The following OR2C1 variants were observed in gnomAD, a reference collection of about 807,000 sequenced individuals.
OR2C1 encodes olfactory receptor 2C1.
For synonymous variants in OR2C1, 209 were observed against 167.3 expected, an observed-to-expected ratio of 1.25 and a Z score of -1.92; for missense variants, 468 against 388.3, an observed-to-expected ratio of 1.21 and a Z score of -1.73.
At chr16:3,327,905 A>T in the OR2C1 span, among the ~76,000 whole-genome samples, 2 of 152,114 alleles carry the variant, frequency 1.3e-5, no homozygotes, top group African/African-American at 4.8e-5. Flanking sequence ...AAATTTCATT[A>T]TAGTTCACCT....
the OR2C1 span, among the ~76,000 whole-genome samples, chr16:3,336,684 T>TTC: frequency 2.1e-5 from 3 of 142,802 alleles, no homozygotes; most frequent in African/African-American, 7.7e-5. Flanking sequence ...CTTTTTTTTT[T>TTC]TTTCTATTTT....
the OR2C1 span, among the ~76,000 whole-genome samples, chr16:3,330,687 A>C: frequency 2.6e-5 from 4 of 152,196 alleles, no homozygotes; most frequent in African/African-American, 9.6e-5. Context: ...TATCTGTCAC[A>C]TTAAATATTT....
chr16:3,342,904 A>G, the OR2C1 span, among the ~76,000 whole-genome samples: 1 of 152,120 alleles, frequency 6.6e-6, no homozygotes, highest in Non-Finnish European at 1.5e-5. Context: ...AACATGAATG[A>G]ACTATTTATA....
chr16:3,351,077 C>G (rs909441870), upstream of OR2C1, among the ~76,000 whole-genome samples: 4 of 151,586 alleles, frequency 2.6e-5, no homozygotes, highest in African/African-American at 9.7e-5. Context: ...TATTCAGTGC[C>G]TTCAGGCAGG....
At chr16:3,323,886 C>T in the OR2C1 span, 2 of 1,340,604 alleles carry the variant, frequency 1.5e-6, no homozygotes, top group South Asian at 2.5e-5. Flanking sequence ...AGGAGATTTT[C>T]TGGAACCAAA....
chr16:3,336,965 C>G, the OR2C1 span, among the ~76,000 whole-genome samples: 1 of 152,058 alleles, frequency 6.6e-6, no homozygotes, highest in Middle Eastern at 3.4e-3. Flanking sequence ...ATCTTGGCCT[C>G]CCAAAGTGCT....
chr16:3,323,430 G>C, the OR2C1 span: 1 of 756,818 alleles, frequency 1.3e-6, no homozygotes, highest in Non-Finnish European at 2.4e-6. Flanking sequence ...TCTGTCAGAG[G>C]GATGGTGTTC....
the OR2C1 span, among the ~76,000 whole-genome samples, chr16:3,330,849 A>G: frequency 6.6e-6 from 1 of 152,000 alleles, no homozygotes; most frequent in African/African-American, 2.4e-5. Flanking sequence ...TCAAGAGATC[A>G]TCCTGCCTCA....
At chr16:3,326,880 A>G in the OR2C1 span, among the ~76,000 whole-genome samples, 3 of 152,288 alleles carry the variant, frequency 2.0e-5, no homozygotes, top group South Asian at 6.2e-4. Context: ...GAGTGATAGA[A>G]ATTCAGTCCT....
upstream of OR2C1, among the ~76,000 whole-genome samples, chr16:3,353,463 C>A (rs1236080201): frequency 7.1e-6 from 1 of 140,754 alleles, no homozygotes; most frequent in African/African-American, 2.7e-5. Flanking sequence ...TGCACTCCAG[C>A]CTGGTGACAG....
chr16:3,352,354 A>G (rs530646264), upstream of OR2C1, among the ~76,000 whole-genome samples: 3 of 152,130 alleles, frequency 2.0e-5, no homozygotes, highest in East Asian at 5.8e-4. Context: ...TGACCTCGTG[A>G]TCCACCCGCC....
chr16:3,332,495 A>C, the OR2C1 span, among the ~76,000 whole-genome samples: 6 of 151,850 alleles, frequency 4.0e-5, no homozygotes, highest in African/African-American at 1.2e-4. Flanking sequence ...CAATTAATCA[A>C]CCTCTTTTTA....
At chr16:3,328,107 C>A in the OR2C1 span, among the ~76,000 whole-genome samples, 8 of 152,170 alleles carry the variant, frequency 5.3e-5, no homozygotes, top group Non-Finnish European at 7.4e-5. Flanking sequence ...TCCTTCCTTA[C>A]CTTGATCCTC....
At chr16:3,346,329 A>G in the OR2C1 span, among the ~76,000 whole-genome samples, 4 of 152,304 alleles carry the variant, frequency 2.6e-5, no homozygotes, top group South Asian at 8.3e-4. Flanking sequence ...GAATAAATAA[A>G]TAGGAAAAGG....
upstream of OR2C1, among the ~76,000 whole-genome samples, chr16:3,355,465 A>AAAAAACAAAAAAAAC (rs1555468448): frequency 2.1e-5 from 3 of 141,638 alleles, no homozygotes; most frequent in Non-Finnish European, 3.1e-5. Flanking sequence ...CTCAAAAAAA[A>AAAAAACAAAAAAAAC]AAAAAAAGCT....
the OR2C1 span, among the ~76,000 whole-genome samples, chr16:3,333,629 C>T: frequency 6.6e-6 from 1 of 152,146 alleles, no homozygotes; most frequent in African/African-American, 2.4e-5. Context: ...GCCACTGTGC[C>T]CAGCCAAGTT....
the OR2C1 span, chr16:3,323,395 C>T: frequency 1.2e-6 from 1 of 830,116 alleles, no homozygotes; most frequent in African/African-American, 1.6e-5. Flanking sequence ...CAAACTTCCC[C>T]AGGTGCTCCT....
the OR2C1 span, among the ~76,000 whole-genome samples, chr16:3,341,941 G>C: frequency 1.3e-5 from 2 of 152,132 alleles, no homozygotes; most frequent in Non-Finnish European, 2.9e-5. Context: ...GAGTACACTT[G>C]GGCATTTATC....
At chr16:3,354,857 G>A (rs2030634515), upstream of OR2C1, among the ~76,000 whole-genome samples, 1 of 152,044 alleles carries the variant, frequency 6.6e-6, no homozygotes, top group South Asian at 2.1e-4. Flanking sequence ...CTTGAACACT[G>A]GGGCTCAAGA....
Sources: allele counts gnomAD v4.1 joint callset (sites outside exome capture counted in the v4.1 genomes callset), GRCh38; gene constraint gnomAD v4.1.1; transcripts MANE v1.5; gene names NCBI Gene and HGNC (gene_info 2026-07-23, HGNC 2026-07-21).